TNKS: variants seen among roughly 807,000 people sequenced by gnomAD.
The protein encoded by TNKS is poly [ADP-ribose] polymerase tankyrase-1.
Under a neutral mutation model 135.8 loss-of-function variants are expected in TNKS, and 72 were observed. The ratio of observed to expected loss-of-function variants is 0.53; its 90% CI spans 0.44 to 0.64. TNKS has a LOEUF of 0.64. TNKS is among the 30% of genes least tolerant of loss of function. The pLI is 0.00. For synonymous variants in TNKS, 849 were observed against 649.3 expected, an observed-to-expected ratio of 1.31 and a Z score of -4.68; for missense variants, 1,769 against 1,674.0, an observed-to-expected ratio of 1.06 and a Z score of -0.99.
intron 3 of TNKS, among the ~76,000 whole-genome samples, chr8:9,645,577 A>G (rs754410313): frequency 2.6e-5 from 4 of 152,104 alleles, no homozygotes; most frequent in Non-Finnish European, 5.9e-5. Flanking sequence ...GGGACCTCAG[A>G]TTCCAGGTAT....
intron 20 of TNKS, among the ~76,000 whole-genome samples, chr8:9,757,178 T>C (rs1806880215): frequency 6.6e-6 from 1 of 152,112 alleles, no homozygotes; most frequent in Non-Finnish European, 1.5e-5. Flanking sequence ...GGTTTCACCA[T>C]GTTGGTCAGG....
chr8:9,698,278 C>T (rs1025792511), intron 5 of TNKS, among the ~76,000 whole-genome samples: 1 of 150,458 alleles, frequency 6.6e-6, no homozygotes, highest in Non-Finnish European at 1.5e-5. Flanking sequence ...CAAGAACAAA[C>T]TACCTATTGG....
At chr8:9,748,360 A>T in intron 18 of TNKS, 148 bp downstream of exon 18, 5 of 636,218 alleles carry the variant, frequency 7.9e-6, no homozygotes, top group Non-Finnish European at 1.1e-5. Context: ...CACTTTTTCT[A>T]TGAAAATATA....
At chr8:9,618,909 G>C (rs6985885) in intron 3 of TNKS, among the ~76,000 whole-genome samples, 151,748 of 152,360 alleles carry the variant, frequency 1, 75,571 homozygotes, top group Middle Eastern at 1. Context: ...ACATATTTTT[G>C]TAATTTAGTT....
chr8:9,757,177 A>G lies in TNKS; in HGVS notation c.3154-4339A>G, dbSNP rs569740493. ...TTTTTAGTAGAGATGGGGTTTCACCATGTTGGTCAGGCTGGTCTCAAACTC... is the reference window on the plus strand; with the variant it reads ...TTTTTAGTAGAGATGGGGTTTCACCGTGTTGGTCAGGCTGGTCTCAAACTC... On this transcript the variant is annotated intron_variant, in intron 20 of 26. Coordinates refer to ENST00000310430, the MANE Select transcript of TNKS (RefSeq NM_003747.3). Among the ~76,000 whole-genome samples, 21 of 152,158 alleles carry G rather than the reference A, an allele frequency of 1.4e-4. No individual in the cohort carries two copies. In the South Asian group the frequency reaches 3.7e-3, roughly 27 times the overall value.
chr8:9,677,267 C>T (rs1051602710), intron 3 of TNKS, among the ~76,000 whole-genome samples: 1 of 152,170 alleles, frequency 6.6e-6, no homozygotes, highest in African/African-American at 2.4e-5. Flanking sequence ...GTGTCTGACT[C>T]TGTTGGATGC....
At chr8:9,603,883 C>T in intron 2 of TNKS, among the ~76,000 whole-genome samples, 1 of 151,744 alleles carries the variant, frequency 6.6e-6, no homozygotes, top group Non-Finnish European at 1.5e-5. Context: ...TATACAGAGT[C>T]AGTGATTATT....
chr8:9,757,135 C>G (rs1170968044), intron 20 of TNKS, among the ~76,000 whole-genome samples: 4 of 152,130 alleles, frequency 2.6e-5, no homozygotes, highest in Non-Finnish European at 4.4e-5. Context: ...GGCCACCATA[C>G]CCGGCTAATT....
intron 3 of TNKS, among the ~76,000 whole-genome samples, chr8:9,661,037 G>T (rs1801683418): frequency 6.6e-6 from 1 of 151,268 alleles, no homozygotes; most frequent in Admixed American, 6.6e-5. Context: ...GGACGTGAAG[G>T]ACCTCTTCAA....
At chr8:9,597,145 A>G (rs996629035) in intron 2 of TNKS, among the ~76,000 whole-genome samples, 4 of 152,256 alleles carry the variant, frequency 2.6e-5, no homozygotes, top group Non-Finnish European at 5.9e-5. Context: ...ATTGCAATGT[A>G]TCACATACAG....
intron 18 of TNKS, among the ~76,000 whole-genome samples, chr8:9,751,121 T>G (rs545945935): frequency 6.6e-6 from 1 of 152,194 alleles, no homozygotes; most frequent in South Asian, 2.1e-4. Context: ...AATTGATGGG[T>G]GGCTGTCTTT....
intron 2 of TNKS, among the ~76,000 whole-genome samples, chr8:9,594,482 G>C (rs1337387512): frequency 6.6e-6 from 1 of 152,164 alleles, no homozygotes; most frequent in African/African-American, 2.4e-5. Flanking sequence ...GGAGAGTGTA[G>C]ACATAGAAAT....
chr8:9,689,764 G>A (rs923958920), intron 5 of TNKS, among the ~76,000 whole-genome samples: 5 of 152,130 alleles, frequency 3.3e-5, no homozygotes, highest in African/African-American at 1.2e-4. Flanking sequence ...AGAGCTCTTA[G>A]CCACATTAAA....
At chr8:9,618,055 C>T (rs1230318623) in intron 3 of TNKS, among the ~76,000 whole-genome samples, 1 of 142,698 alleles carries the variant, frequency 7.0e-6, no homozygotes, top group East Asian at 2.1e-4. Context: ...GGAACGATCT[C>T]AGCTCACTGC....
chr8:9,648,681 C>T, intron 3 of TNKS, among the ~76,000 whole-genome samples: 1 of 152,244 alleles, frequency 6.6e-6, no homozygotes, highest in East Asian at 1.9e-4. Flanking sequence ...TGTGACATTA[C>T]TAGGTGATAG....
chr8:9,556,022 C>A lies in TNKS; in HGVS notation c.83C>A (p.Pro28Gln). The change falls in exon 1 of 27, where the codon CCG becomes CAG. Residue 28 changes from proline to glutamine, a missense_variant. By Grantham distance (76) the Pro-to-Gln change is moderately conservative. Transcript: ENST00000310430. ...LQPAPGASAP[P>Q]PPPPPPLSPG... ...CCCGCCCCAGGGGCTTCAGCGCCGC[C>A]GCCGCCACCTCCTCCCCCACTCAGC... 6.2e-7 allele frequency: 1 copy of A among 1,612,612 alleles called. No individual in the cohort carries two copies. Among genetic ancestry groups the A allele is most frequent in the South Asian group, 1.1e-5 (1 of 91,018 alleles).
chr8:9,587,349 G>A (rs1287811337), intron 2 of TNKS, among the ~76,000 whole-genome samples: 4 of 151,646 alleles, frequency 2.6e-5, no homozygotes, highest in African/African-American at 4.8e-5. Flanking sequence ...AAGGAAGTAG[G>A]TTTTCATGAA....
intron 3 of TNKS, among the ~76,000 whole-genome samples, chr8:9,675,294 C>G (rs1563160191): frequency 6.6e-6 from 1 of 152,166 alleles, no homozygotes; most frequent in Non-Finnish European, 1.5e-5. Flanking sequence ...ATCAATTCAT[C>G]TCTTAATTTG....
chr8:9,757,576 T>G (rs1228175776), intron 20 of TNKS, among the ~76,000 whole-genome samples: 3 of 152,138 alleles, frequency 2.0e-5, no homozygotes, highest in Non-Finnish European at 4.4e-5. Context: ...TTCCTGCTCC[T>G]TCCTTCCCAG....
Sources: gnomAD v4.1 joint callset for allele counts (sites outside exome capture counted in the v4.1 genomes callset) on GRCh38, gnomAD v4.1.1 for gene constraint, MANE v1.5 for transcripts, NCBI Gene and HGNC (gene_info 2026-07-23, HGNC 2026-07-21) for gene names.